The following NKAIN3 variants were observed in gnomAD, a reference collection of about 807,000 sequenced individuals.
NKAIN3 encodes sodium/potassium transporting ATPase interacting 3, also known as sodium/potassium-transporting ATPase subunit beta-1-interacting protein 3.
In NKAIN3, 25 loss-of-function variants were observed where a neutral mutation model predicts 30.2. The ratio of observed to expected loss-of-function variants is 0.83; its 90% confidence interval spans 0.60 to 1.16. The LOEUF is 1.16. Among genes scored for constraint, NKAIN3 ranks in the 50% most tolerant of loss-of-function variants. The pLI is 0.00. For synonymous variants in NKAIN3, 91 were observed against 89.6 expected, an observed-to-expected ratio of 1.02 and a Z score of -0.09; for missense variants, 225 against 254.1, an observed-to-expected ratio of 0.89 and a Z score of 0.78.
intron 4 of NKAIN3, among the ~76,000 whole-genome samples, chr8:62,802,983 G>A (rs1264950346): frequency 6.6e-6 from 1 of 152,068 alleles, no homozygotes; most frequent in African/African-American, 2.4e-5. Context: ...TGATAAAACA[G>A]ACTTTAAACC....
intron 1 of NKAIN3, among the ~76,000 whole-genome samples, chr8:62,391,401 A>T (rs1441867698): frequency 6.6e-6 from 1 of 152,142 alleles, no homozygotes; most frequent in African/African-American, 2.4e-5. Context: ...ATCCAATCCC[A>T]GCTGTGAAAT....
chr8:62,817,865 T>A (rs1014118776), intron 4 of NKAIN3, among the ~76,000 whole-genome samples: 1 of 152,206 alleles, frequency 6.6e-6, no homozygotes, highest in Non-Finnish European at 1.5e-5. Flanking sequence ...GTCTGAGGCT[T>A]CATTTTCATT....
At chr8:62,932,913 C>G (rs1257523879) in intron 5 of NKAIN3, among the ~76,000 whole-genome samples, 1 of 151,552 alleles carries the variant, frequency 6.6e-6, no homozygotes, top group African/African-American at 2.4e-5. Flanking sequence ...CATTTATAGG[C>G]ATCCAGTGGT....
intron 3 of NKAIN3, among the ~76,000 whole-genome samples, chr8:62,695,298 T>C (rs1396640220): frequency 6.6e-6 from 1 of 152,178 alleles, no homozygotes; most frequent in Non-Finnish European, 1.5e-5. Flanking sequence ...CATCAGGCAA[T>C]GGTTTAGTGA....
intron 5 of NKAIN3, among the ~76,000 whole-genome samples, chr8:62,923,371 A>T (rs1413619281): frequency 6.6e-6 from 1 of 152,140 alleles, no homozygotes; most frequent in Non-Finnish European, 1.5e-5. Flanking sequence ...TATAGTGTTA[A>T]ATAAATTTTC....
chr8:62,458,220 A>T (rs529797611), intron 1 of NKAIN3, among the ~76,000 whole-genome samples: 2 of 152,270 alleles, frequency 1.3e-5, no homozygotes, highest in South Asian at 4.1e-4. Context: ...CAACCCTATG[A>T]CTTCATTGCT....
intron 4 of NKAIN3, among the ~76,000 whole-genome samples, chr8:62,899,002 G>A (rs1821520669): frequency 6.6e-6 from 1 of 152,258 alleles, no homozygotes; most frequent in South Asian, 2.1e-4. Context: ...TTGATCATCA[G>A]AGAAATGCAA....
At chr8:62,409,448 T>G (rs1331329512) in intron 1 of NKAIN3, among the ~76,000 whole-genome samples, 2 of 152,174 alleles carry the variant, frequency 1.3e-5, no homozygotes, top group Non-Finnish European at 2.9e-5. Flanking sequence ...CCTCCCAAAG[T>G]GCTGGGATAA....
At chr8:62,409,341 C>A (rs1473249296) in intron 1 of NKAIN3, among the ~76,000 whole-genome samples, 1 of 152,048 alleles carries the variant, frequency 6.6e-6, no homozygotes, top group African/African-American at 2.4e-5. Flanking sequence ...TACATCACCA[C>A]AACCAGCTAA....
intron 1 of NKAIN3, among the ~76,000 whole-genome samples, chr8:62,266,512 C>T (rs901604122): frequency 3.3e-5 from 5 of 152,072 alleles, no homozygotes; most frequent in South Asian, 2.1e-4. Flanking sequence ...TCGAGGGAAA[C>T]GTAGCATGAG....
chr8:62,913,091 G>A (rs542109596), intron 4 of NKAIN3, among the ~76,000 whole-genome samples: 1 of 152,182 alleles, frequency 6.6e-6, no homozygotes, highest in South Asian at 2.1e-4. Flanking sequence ...GATCTCCTAT[G>A]ATAACAATGC....
intron 1 of NKAIN3, among the ~76,000 whole-genome samples, chr8:62,395,775 A>G (rs544114105): frequency 3.9e-4 from 59 of 152,354 alleles, no homozygotes; most frequent in Admixed American, 9.8e-4. Flanking sequence ...AAGTAGATAT[A>G]GATCTCAATT....
intron 4 of NKAIN3, among the ~76,000 whole-genome samples, chr8:62,854,140 A>C (rs1338483697): frequency 2.0e-5 from 3 of 152,194 alleles, no homozygotes; most frequent in Non-Finnish European, 4.4e-5. Context: ...ATTTTAGAGT[A>C]AGTTCCATGT....
downstream of NKAIN3, among the ~76,000 whole-genome samples, chr8:62,985,965 C>T (rs1011104146): frequency 3.3e-5 from 5 of 152,110 alleles, no homozygotes; most frequent in South Asian, 4.1e-4. Context: ...GAAATATAGT[C>T]TAGTCTCAGA....
chr8:62,866,001 T>C (rs1820403049), intron 4 of NKAIN3, among the ~76,000 whole-genome samples: 1 of 152,184 alleles, frequency 6.6e-6, no homozygotes, highest in Admixed American at 6.5e-5. Flanking sequence ...TCATTCTCTA[T>C]GTGGCACTTT....
At chr8:62,336,302 G>A (rs755048986) in intron 1 of NKAIN3, among the ~76,000 whole-genome samples, 20 of 151,998 alleles carry the variant, frequency 1.3e-4, no homozygotes, top group Non-Finnish European at 2.4e-4. Flanking sequence ...ACCAGTTGGC[G>A]CTTTCTCCAT....
At chr8:62,773,395 T>C (rs1817085710) in intron 4 of NKAIN3, among the ~76,000 whole-genome samples, 1 of 152,212 alleles carries the variant, frequency 6.6e-6, no homozygotes, top group Non-Finnish European at 1.5e-5. Context: ...CTGGGTTCTC[T>C]ATTCCGTTCC....
intron 1 of NKAIN3, among the ~76,000 whole-genome samples, chr8:62,579,076 A>G (rs1810210596): frequency 6.6e-6 from 1 of 151,998 alleles, no homozygotes; most frequent in Admixed American, 6.6e-5. Context: ...AGAAAAGAGG[A>G]ATGTTTAAGG....
chr8:62,790,445 T>A (rs1817668473), intron 4 of NKAIN3, among the ~76,000 whole-genome samples: 1 of 152,016 alleles, frequency 6.6e-6, no homozygotes, highest in South Asian at 2.1e-4. Flanking sequence ...TTTTAAAAAG[T>A]TATGAGAATT....
Sources: allele counts gnomAD v4.1 joint callset (sites outside exome capture counted in the v4.1 genomes callset), GRCh38; gene constraint gnomAD v4.1.1; transcripts MANE v1.5; gene names NCBI Gene and HGNC (gene_info 2026-07-23, HGNC 2026-07-21).